Variants in C16orf87 observed in about 807,000 individuals in gnomAD.
C16orf87 encodes the protein UPF0547 protein C16orf87.
C16orf87 carries 13 observed loss-of-function variants against 21.0 expected under a neutral mutation model. The ratio of observed to expected loss-of-function variants is 0.62; its 90% confidence interval spans 0.40 to 0.98. C16orf87 has a LOEUF of 0.98. C16orf87 is among the 50% of genes least tolerant of loss of function. The pLI, the probability that C16orf87 is intolerant of heterozygous loss-of-function variation, is 0.00. For synonymous variants in C16orf87, 49 were observed against 60.2 expected, an observed-to-expected ratio of 0.81 and a Z score of 0.86; for missense variants, 113 against 180.4, an observed-to-expected ratio of 0.63 and a Z score of 2.14.
In C16orf87 at chr16:46,801,000, T is replaced by A. The variant is rs1238842542; in HGVS notation, c.*1952A>T. The A allele has an allele frequency of 1.3e-5, 2 of 152,216 alleles. No individual in the cohort carries two copies. The highest frequency in any genetic ancestry group is 2.9e-5 in the Non-Finnish European group (2 of 68,028). The allele number at this position is 152,216 out of a possible 1,614,324, so 9.4% of individuals were successfully genotyped here. ...TAACATGACTTTCCTGTAATGGTCT[T>A]CAGCTTTAAATGGATAGACTCTGAC... On this transcript the variant is annotated 3_prime_UTR_variant, in exon 4 of 4. Coordinates refer to ENST00000285697, the MANE Select transcript of C16orf87 (RefSeq NM_001001436.4).
At chr16:46,805,075 C>A (rs1043775230) in intron 3 of C16orf87, among the ~76,000 whole-genome samples, 2 of 152,090 alleles carry the variant, frequency 1.3e-5, no homozygotes, top group African/African-American at 2.4e-5. Flanking sequence ...CTCTTTTTAA[C>A]CATCATTTCT....
chr16:46,824,688 C>G lies in C16orf87; in HGVS notation c.67-206G>C, dbSNP rs190091953. On this transcript the variant is annotated intron_variant, in intron 1 of 3. Transcript: ENST00000285697. ...CATTCTTTTTTTTTTTTTTTTGAGA[C>G]GGAGTCTCACTCTGTCACCCAGGCT... Among the ~76,000 whole-genome samples the G allele has an allele frequency of 2.4e-5, 3 of 125,008 alleles. No homozygotes were observed. The South Asian group carries it at 7.4e-4, about 31-fold the overall frequency. The allele number at this position is 125,008 out of a possible 152,430, so 82.0% of individuals were successfully genotyped here.
At chr16:46,807,174 T>C (rs1264881010) in intron 3 of C16orf87, among the ~76,000 whole-genome samples, 1 of 152,232 alleles carries the variant, frequency 6.6e-6, no homozygotes, top group Non-Finnish European at 1.5e-5. Context: ...CAGTGGCTCA[T>C]GCATGCCTGC....
chr16:46,805,458 A>G (rs1237863196), intron 3 of C16orf87, among the ~76,000 whole-genome samples: 3 of 152,180 alleles, frequency 2.0e-5, no homozygotes, highest in East Asian at 3.9e-4. Context: ...GACCTCTGCA[A>G]TTTCCTTTTA....
chr16:46,806,290 G>A (rs900665104), intron 3 of C16orf87, among the ~76,000 whole-genome samples: 13 of 133,734 alleles, frequency 9.7e-5, no homozygotes, highest in African/African-American at 5.8e-5. Context: ...ACGGAGTCTC[G>A]CTCTGTCTCC....
chr16:46,812,362 CAA>C (rs1207685252), intron 2 of C16orf87, among the ~76,000 whole-genome samples: 2 of 152,070 alleles, frequency 1.3e-5, no homozygotes, highest in South Asian at 2.1e-4. Context: ...AATGTGAACA[CAA>C]GTCGGATATT....
At chr16:46,812,467 T>C (rs1204559477) in intron 2 of C16orf87, among the ~76,000 whole-genome samples, 2 of 152,196 alleles carry the variant, frequency 1.3e-5, no homozygotes, top group East Asian at 1.9e-4. Context: ...AATGAAATAT[T>C]TATAACTGAA....
chr16:46,810,086 T>C (rs1968039983), intron 2 of C16orf87, among the ~76,000 whole-genome samples: 1 of 152,216 alleles, frequency 6.6e-6, no homozygotes, highest in African/African-American at 2.4e-5. Context: ...TAGCAACCTT[T>C]CTGCCTTTTT....
intron 2 of C16orf87, among the ~76,000 whole-genome samples, chr16:46,818,023 T>C (rs1959263321): frequency 6.6e-6 from 1 of 151,646 alleles, no homozygotes. Flanking sequence ...GGGAAGATGC[T>C]TCCTTTTCTT....
chr16:46,799,962 A>T lies in C16orf87; in HGVS notation c.*2990T>A, dbSNP rs937932209. 6.6e-6 allele frequency: 1 copy of T among 152,228 alleles called. No homozygotes were observed. The highest frequency in any genetic ancestry group is 1.5e-5 in the Non-Finnish European group (1 of 68,028). The allele number at this position is 152,228 out of a possible 1,614,324, so 9.4% of individuals were successfully genotyped here. A position where few individuals can be genotyped will look rare whatever the true frequency, so the allele number is the denominator to read the frequency against. The stretch of plus-strand genomic sequence containing the variant: ...CCAATTAATACTTTATATAAAAGTA[A>T]GTAAAGAGCTTAATTTTTCTAAATT... On this transcript the variant is annotated 3_prime_UTR_variant, in exon 4 of 4. Coordinates refer to ENST00000285697, the MANE Select transcript of C16orf87 (RefSeq NM_001001436.4).
Position 46,798,273 on chromosome 16 carries a change from A to G in C16orf87, c.*4679T>C, listed in dbSNP as rs1273992933. ...GCCGGGCACGGTGGCTCATGCCTGTAAAGGCGGGTGGATCACCGGAGCTCA... is the reference window on the plus strand; with the variant it reads ...GCCGGGCACGGTGGCTCATGCCTGTGAAGGCGGGTGGATCACCGGAGCTCA... On this transcript the variant is annotated 3_prime_UTR_variant, in exon 4 of 4. Coordinates refer to ENST00000285697, the MANE Select transcript of C16orf87 (RefSeq NM_001001436.4). 1 of 152,254 alleles carries G rather than the reference A, an allele frequency of 6.6e-6. No homozygotes were observed. The highest frequency in any genetic ancestry group is 6.5e-5 in the Admixed American group (1 of 15,282). 9.4% of individuals were successfully genotyped at this position (152,254 alleles called of 1,614,324 possible).
chr16:46,815,028 T>G (rs1183072029), intron 2 of C16orf87, among the ~76,000 whole-genome samples: 1 of 151,994 alleles, frequency 6.6e-6, no homozygotes, highest in African/African-American at 2.4e-5. Context: ...AAGACAAATA[T>G]ACAGACCAAA....
At chr16:46,811,027 T>C (rs1251247803) in intron 2 of C16orf87, among the ~76,000 whole-genome samples, 1 of 152,188 alleles carries the variant, frequency 6.6e-6, no homozygotes, top group African/African-American at 2.4e-5. Flanking sequence ...ACAAAGCATT[T>C]CTTCTGCTTT....
chr16:46,813,524 G>A (rs1364565409), intron 2 of C16orf87, among the ~76,000 whole-genome samples: 8 of 145,958 alleles, frequency 5.5e-5, no homozygotes, highest in African/African-American at 1.0e-4. Context: ...CCCTTCTAAA[G>A]CCTTTCATAA....
intron 1 of C16orf87, among the ~76,000 whole-genome samples, chr16:46,829,823 T>C (rs573061658): frequency 6.6e-6 from 1 of 152,038 alleles, no homozygotes; most frequent in Non-Finnish European, 1.5e-5. Flanking sequence ...ACATGTAACA[T>C]GTTTTCTGTT....
At chr16:46,810,753 C>T (rs1421156833) in intron 2 of C16orf87, among the ~76,000 whole-genome samples, 1 of 152,052 alleles carries the variant, frequency 6.6e-6, no homozygotes, top group African/African-American at 2.4e-5. Flanking sequence ...TAGACATATA[C>T]CAGATAATAC....
chr16:46,815,577 G>T (rs1041155784), intron 2 of C16orf87, among the ~76,000 whole-genome samples: 5 of 152,010 alleles, frequency 3.3e-5, no homozygotes, highest in African/African-American at 1.2e-4. Context: ...TCAAGAATGG[G>T]CAGAAGACTT....
At chr16:46,809,458 C>A in intron 3 of C16orf87, 145 bp downstream of exon 3, 1 of 588,272 alleles carries the variant, frequency 1.7e-6, no homozygotes, top group Non-Finnish European at 3.0e-6. Context: ...TAAGCATCTA[C>A]CACAGAGGAA....
At chr16:46,826,321 G>A (rs750946886) in intron 1 of C16orf87, among the ~76,000 whole-genome samples, 1 of 152,062 alleles carries the variant, frequency 6.6e-6, no homozygotes, top group African/African-American at 2.4e-5. Flanking sequence ...TAATCTCAAC[G>A]AAAAAGTATT....
Sources: gnomAD v4.1 joint callset for allele counts (sites outside exome capture counted in the v4.1 genomes callset) on GRCh38, gnomAD v4.1.1 for gene constraint, MANE v1.5 for transcripts, NCBI Gene and HGNC (gene_info 2026-07-23, HGNC 2026-07-21) for gene names.